CACNA2D3: variants seen among roughly 807,000 people sequenced by gnomAD.
The protein encoded by CACNA2D3 is calcium voltage-gated channel auxiliary subunit alpha2delta 3, also known as voltage-dependent calcium channel subunit alpha-2/delta-3.
A neutral mutation model predicts 160.6 loss-of-function variants in CACNA2D3; 60 were observed. The observed-to-expected ratio is 0.37, with a 90% confidence interval of 0.30 to 0.46. The LOEUF (loss-of-function observed/expected upper bound fraction) is 0.46, where lower values mean the gene tolerates loss of function less well. Among genes scored for constraint, CACNA2D3 ranks in the 20% least tolerant of loss-of-function variants. The probability of loss-of-function intolerance (pLI) is 1.00; values close to 1 mark genes in which losing one functional copy is unlikely to be tolerated. For missense variants in CACNA2D3, 1,205 were observed against 1,365.0 expected, an observed-to-expected ratio of 0.88 and a Z score of 1.85; for synonymous variants, 558 against 492.9, an observed-to-expected ratio of 1.13 and a Z score of -1.75.
intron 4 of CACNA2D3, among the ~76,000 whole-genome samples, chr3:54,423,424 C>T (rs1177645681): frequency 6.6e-6 from 1 of 152,172 alleles, no homozygotes; most frequent in African/African-American, 2.4e-5. Context: ...GGAAAGTCAA[C>T]TGAGACCTGT....
At chr3:54,899,947 C>G in intron 27 of CACNA2D3, 79 bp downstream of exon 27, 1 of 963,160 alleles carries the variant, frequency 1.0e-6, no homozygotes, top group East Asian at 2.6e-5. Context: ...TTCTGTGAGG[C>G]ACGCTTATCC....
chr3:54,977,057 C>CT (rs760679808), intron 29 of CACNA2D3, among the ~76,000 whole-genome samples: 2 of 152,090 alleles, frequency 1.3e-5, no homozygotes, highest in Non-Finnish European at 2.9e-5. Context: ...CAATTGTACT[C>CT]TAATTTTCCA....
intron 3 of CACNA2D3, among the ~76,000 whole-genome samples, chr3:54,344,776 G>A (rs912267271): frequency 3.3e-5 from 5 of 152,186 alleles, no homozygotes; most frequent in Admixed American, 6.5e-5. Context: ...TAGGAGCTGG[G>A]TAAAATAAGG....
intron 4 of CACNA2D3, among the ~76,000 whole-genome samples, chr3:54,447,720 T>C (rs1700244917): frequency 6.6e-6 from 1 of 152,204 alleles, no homozygotes; most frequent in Non-Finnish European, 1.5e-5. Context: ...TTCCTGTTCT[T>C]TTGAAAGTGA....
intron 2 of CACNA2D3, among the ~76,000 whole-genome samples, chr3:54,212,997 C>T (rs1317037669): frequency 1.3e-5 from 2 of 152,142 alleles, no homozygotes; most frequent in Non-Finnish European, 2.9e-5. Flanking sequence ...CATGGTTCCT[C>T]ACAAGTAGCC....
intron 13 of CACNA2D3, among the ~76,000 whole-genome samples, chr3:54,781,535 A>G (rs998085873): frequency 4.6e-5 from 7 of 152,250 alleles, no homozygotes; most frequent in African/African-American, 1.4e-4. Flanking sequence ...GACAAAAGAC[A>G]TCTACTGAGC....
intron 9 of CACNA2D3, among the ~76,000 whole-genome samples, chr3:54,590,372 A>G (rs925363323): frequency 1.3e-5 from 2 of 152,200 alleles, no homozygotes; most frequent in Admixed American, 6.5e-5. Context: ...CTTTCTTGAA[A>G]TGACAAGTTT....
chr3:54,357,581 A>G (rs1468938647), intron 3 of CACNA2D3, among the ~76,000 whole-genome samples: 3 of 152,340 alleles, frequency 2.0e-5, no homozygotes, highest in Middle Eastern at 3.4e-3. Flanking sequence ...TATTTACCCA[A>G]ATGAGTTGAA....
At chr3:54,735,518 C>T (rs963437385) in intron 11 of CACNA2D3, among the ~76,000 whole-genome samples, 1 of 152,202 alleles carries the variant, frequency 6.6e-6, no homozygotes, top group Non-Finnish European at 1.5e-5. Flanking sequence ...CTTCGCATTG[C>T]TGTTGGTCTA....
intron 27 of CACNA2D3, among the ~76,000 whole-genome samples, chr3:54,910,963 A>G (rs1036436177): frequency 6.6e-6 from 1 of 152,242 alleles, no homozygotes; most frequent in Non-Finnish European, 1.5e-5. Context: ...AGAAAAAAAT[A>G]CAATGAAATT....
At chr3:54,925,209 A>C in intron 27 of CACNA2D3, 3 of 1,610,606 alleles carry the variant, frequency 1.9e-6, no homozygotes, top group Non-Finnish European at 2.5e-6. Flanking sequence ...AAACAGGAGC[A>C]GTTCACCTAC....
intron 2 of CACNA2D3, among the ~76,000 whole-genome samples, chr3:54,297,397 G>T (rs370999250): frequency 3.9e-5 from 6 of 152,198 alleles, no homozygotes; most frequent in East Asian, 3.9e-4. Context: ...GAGTCCTGGT[G>T]GGGGGTGTAG....
intron 29 of CACNA2D3, among the ~76,000 whole-genome samples, chr3:54,982,736 C>G (rs1395734617): frequency 1.3e-5 from 2 of 150,642 alleles, no homozygotes; most frequent in Non-Finnish European, 3.0e-5. Flanking sequence ...TAATTATAGG[C>G]TAAACAAGGG....
intron 5 of CACNA2D3, among the ~76,000 whole-genome samples, chr3:54,512,153 C>T (rs1303603376): frequency 6.6e-6 from 1 of 152,178 alleles, no homozygotes; most frequent in African/African-American, 2.4e-5. Context: ...CTGCAGGTGG[C>T]TCCCAGGCCT....
In CACNA2D3 at chr3:54,609,585, C is replaced by T. The variant is rs549060819; in HGVS notation, c.964-18202C>T. 1.3e-4 allele frequency among the ~76,000 whole-genome samples: 20 copies of T among 152,230 alleles called. No individual in the cohort carries two copies. In the South Asian group the frequency reaches 4.2e-3, roughly 32 times the overall value. ...AAATGTACTTGAGGAAATAGCAGTT[C>T]TATGATGTGATCTTAACACGTCCGC... On this transcript the variant is annotated intron_variant, in intron 9 of 37. Transcript: ENST00000474759.
intron 21 of CACNA2D3, among the ~76,000 whole-genome samples, chr3:54,884,346 A>G (rs549053874): frequency 6.6e-6 from 1 of 152,320 alleles, no homozygotes; most frequent in South Asian, 2.1e-4. Context: ...GATCATATGC[A>G]ATGATGTTCA....
chr3:54,156,548 C>T (rs1484475963), intron 2 of CACNA2D3, among the ~76,000 whole-genome samples: 1 of 152,160 alleles, frequency 6.6e-6, no homozygotes, highest in East Asian at 1.9e-4. Context: ...CCACGATGGC[C>T]CCCATTCCCT....
At chr3:54,612,747 G>A (rs1698768871) in intron 9 of CACNA2D3, among the ~76,000 whole-genome samples, 1 of 152,190 alleles carries the variant, frequency 6.6e-6, no homozygotes, top group South Asian at 2.1e-4. Context: ...GCTCTGGGAA[G>A]GGATAAGACC....
chr3:54,179,320 G>A (rs1264756393), intron 2 of CACNA2D3, among the ~76,000 whole-genome samples: 2 of 152,194 alleles, frequency 1.3e-5, no homozygotes, highest in African/African-American at 4.8e-5. Flanking sequence ...CTGGAAGGCT[G>A]GGCCTTTGGG....
Sources: gnomAD v4.1 joint callset for allele counts (sites outside exome capture counted in the v4.1 genomes callset) on GRCh38, gnomAD v4.1.1 for gene constraint, MANE v1.5 for transcripts, NCBI Gene and HGNC (gene_info 2026-07-23, HGNC 2026-07-21) for gene names.